The following TTC12 variants were observed in gnomAD, a reference collection of about 807,000 sequenced individuals.
TTC12 encodes the protein tetratricopeptide repeat domain 12, also known as tetratricopeptide repeat protein 12.
A neutral mutation model predicts 90.1 loss-of-function variants in TTC12; 70 were observed. That is an observed-to-expected ratio of 0.78 (90% CI 0.64 to 0.95). The LOEUF is 0.95. TTC12 is among the 40% of genes least tolerant of loss of function. The probability of loss-of-function intolerance (pLI) is 0.00; values close to 1 mark genes in which losing one functional copy is unlikely to be tolerated. For synonymous variants in TTC12, 296 were observed against 311.5 expected (o/e 0.95, Z 0.53); for missense variants, 819 against 846.1 (o/e 0.97, Z 0.40).
intron 14 of TTC12, among the ~76,000 whole-genome samples, 154 bp downstream of exon 14, chr11:113,350,319 G>A (rs1442297794): frequency 2.0e-5 from 3 of 152,118 alleles, no homozygotes; most frequent in Non-Finnish European, 2.9e-5. Context: ...CCTCCCAGGG[G>A]GCTGCAGCCA....
intron 16 of TTC12, among the ~76,000 whole-genome samples, chr11:113,354,268 A>G (rs1380638224): frequency 6.6e-6 from 1 of 151,984 alleles, no homozygotes; most frequent in African/African-American, 2.4e-5. Context: ...GGTTTGACTG[A>G]TGTTGGTGTA....
intron 7 of TTC12, among the ~76,000 whole-genome samples, chr11:113,333,661 A>G (rs1555143180): frequency 6.6e-6 from 1 of 152,162 alleles, no homozygotes; most frequent in South Asian, 2.1e-4. Context: ...GAGATCATCC[A>G]TATGAACCAT....
At chr11:113,355,146 GT>G (rs1353524609) in intron 16 of TTC12, among the ~76,000 whole-genome samples, 3 of 152,130 alleles carry the variant, frequency 2.0e-5, no homozygotes, top group Non-Finnish European at 2.9e-5. Context: ...CTCATTATTG[GT>G]TTGTTCAGGG....
At position 113,316,396 on chromosome 11, in the gene TTC12, C is replaced by T. The variant is rs1034092152; in HGVS notation, c.58+81C>T. 4.6e-6 allele frequency: 3 copies of T among 658,322 alleles called. No individual in the cohort carries two copies. The Admixed American group carries it at 9.4e-5, about 21-fold the overall frequency. The allele number at this position is 658,322 out of a possible 1,614,324, so 40.8% of individuals were successfully genotyped here. A position where few individuals can be genotyped will look rare whatever the true frequency, so the allele number is the denominator to read the frequency against. On this transcript the variant is annotated intron_variant, in intron 2 of 21. Coordinates refer to ENST00000529221, the MANE Select transcript of TTC12 (RefSeq NM_017868.4). ...ATGATTGCTCTAAGTTCCTGGGTGGCTTGACAGGTTTATAACTCTTAGGAA... is the reference window on the plus strand; with the variant it reads ...ATGATTGCTCTAAGTTCCTGGGTGGTTTGACAGGTTTATAACTCTTAGGAA...
chr11:113,325,391 A>AG, intron 5 of TTC12, 133 bp from the exon 6 acceptor site: 2 of 1,023,166 alleles, frequency 2.0e-6, no homozygotes, highest in Non-Finnish European at 2.8e-6. Context: ...GCAGAAAAAA[A>AG]CAAGTGTCAA....
chr11:113,348,163 A>G (rs1949077133), intron 13 of TTC12, among the ~76,000 whole-genome samples: 1 of 152,142 alleles, frequency 6.6e-6, no homozygotes, highest in African/African-American at 2.4e-5. Context: ...CTCTATCACA[A>G]CATCCACAAG....
chr11:113,360,999 C>G (rs894617882), intron 18 of TTC12, among the ~76,000 whole-genome samples: 1 of 152,226 alleles, frequency 6.6e-6, no homozygotes, highest in Non-Finnish European at 1.5e-5. Context: ...TGAGCCTACA[C>G]TAGTGCCTGA....
chr11:113,350,268 C>A, intron 14 of TTC12, 103 bp downstream of exon 14: 1 of 884,348 alleles, frequency 1.1e-6, no homozygotes, highest in Non-Finnish European at 1.8e-6. Context: ...GCCAAGTCTC[C>A]AAGTGAGTAT....
chr11:113,333,372 C>G (rs1185763405), intron 7 of TTC12, among the ~76,000 whole-genome samples: 8 of 152,204 alleles, frequency 5.3e-5, no homozygotes, highest in Non-Finnish European at 8.8e-5. Flanking sequence ...CCCTCCTTTG[C>G]ATGCCCTTTT....
Position 113,340,620 on chromosome 11 carries a change from G to C in TTC12, c.827-44G>C, listed in dbSNP as rs200346369. 4 of 1,522,246 alleles carry C rather than the reference G, an allele frequency of 2.6e-6. No homozygotes were observed. The East Asian group carries it at 9.0e-5, about 34-fold the overall frequency. The allele number at this position is 1,522,246 out of a possible 1,614,324, so 94.3% of individuals were successfully genotyped here. ...CTGTGTTGCAGCGAGACACCAGCCA[G>C]CCAGTTTGGGAGTCTGAAGTGGTTT... On this transcript the variant is annotated intron_variant, in intron 10 of 21. Transcript: ENST00000529221.
intron 21 of TTC12, 48 bp downstream of exon 21, chr11:113,365,108 C>A: frequency 6.4e-7 from 1 of 1,567,352 alleles, no homozygotes; most frequent in Non-Finnish European, 8.8e-7. Flanking sequence ...GAAAGAGCAG[C>A]TGAGCTGAGG....
chr11:113,359,568 C>A, intron 17 of TTC12, 107 bp downstream of exon 17: 1 of 777,158 alleles, frequency 1.3e-6, no homozygotes, highest in Non-Finnish European at 2.2e-6. Flanking sequence ...TGTACACTCA[C>A]ACACTGGCCG....
At chr11:113,343,245 G>A (rs1200000842) in intron 12 of TTC12, among the ~76,000 whole-genome samples, 1 of 152,164 alleles carries the variant, frequency 6.6e-6, no homozygotes, top group Non-Finnish European at 1.5e-5. Context: ...CTCCTTTGGG[G>A]AATGGGCTTA....
intron 7 of TTC12, among the ~76,000 whole-genome samples, chr11:113,332,834 G>C (rs772873797): frequency 3.7e-4 from 56 of 152,148 alleles, no homozygotes; most frequent in Admixed American, 1.3e-3. Flanking sequence ...TGCCCTAGCT[G>C]ACCTCTTTCC....
At chr11:113,348,886 C>T (rs1259219293) in intron 13 of TTC12, among the ~76,000 whole-genome samples, 1 of 152,210 alleles carries the variant, frequency 6.6e-6, no homozygotes, top group Non-Finnish European at 1.5e-5. Context: ...CTGTTCTCCC[C>T]TCACATCCTA....
chr11:113,335,595 C>G (rs190259300), intron 8 of TTC12, among the ~76,000 whole-genome samples: 3 of 152,282 alleles, frequency 2.0e-5, no homozygotes. Flanking sequence ...TTCCCCCAAC[C>G]CCATCTCAAC....
intron 21 of TTC12, among the ~76,000 whole-genome samples, chr11:113,372,510 G>C (rs765061154): frequency 2.6e-5 from 4 of 152,168 alleles, no homozygotes; most frequent in Non-Finnish European, 5.9e-5. Flanking sequence ...TAAGACCACA[G>C]AGCTTTTTAA....
chr11:113,330,475 A>G (rs188165135), intron 7 of TTC12, among the ~76,000 whole-genome samples: 3 of 152,360 alleles, frequency 2.0e-5, no homozygotes, highest in East Asian at 1.9e-4. Context: ...AATTCTACAC[A>G]TGGCATTTCC....
In TTC12 at chr11:113,350,189, T is replaced by C. The variant is rs142029494; in HGVS notation, c.1247+24T>C. ...AGGTAATTTTTTTATTTATAGAAAT[T>C]GACATTTCTTCTTCAGTCTTTGTTG... On this transcript the variant is annotated intron_variant, in intron 14 of 21. Coordinates refer to ENST00000529221, the MANE Select transcript of TTC12 (RefSeq NM_017868.4). 42,788 of 1,511,062 alleles carry C rather than the reference T, an allele frequency of 0.028. 775 individuals carry two copies. The highest frequency in any genetic ancestry group is 0.031 in the Non-Finnish European group (34,234 of 1,087,786). 93.6% of individuals were successfully genotyped at this position (1,511,062 alleles called of 1,614,324 possible).
Sources: gnomAD v4.1 joint callset for allele counts (sites outside exome capture counted in the v4.1 genomes callset) on GRCh38, gnomAD v4.1.1 for gene constraint, MANE v1.5 for transcripts, NCBI Gene and HGNC (gene_info 2026-07-23, HGNC 2026-07-21) for gene names.